Variants in DMD observed in about 807,000 individuals in gnomAD.
The protein encoded by DMD is dystrophin, also known as mutant dystrophin.
A neutral mutation model predicts 330.1 loss-of-function variants in DMD; 63 were observed. That is an observed-to-expected ratio of 0.19 (90% CI 0.16 to 0.24). DMD has a LOEUF of 0.24. Among genes scored for constraint, DMD ranks in the 10% least tolerant of loss-of-function variants. DMD has a pLI of 1.00. For synonymous variants in DMD, 1,223 were observed against 959.8 expected (o/e 1.27, Z -5.07); for missense variants, 3,344 against 2,684.1 (o/e 1.25, Z -5.43).
intron 67 of DMD, among the ~76,000 whole-genome samples, chrX:31,184,060 C>T (rs1015634075): frequency 2.7e-5 from 3 of 110,239 alleles, no homozygotes; most frequent in Non-Finnish European, 5.7e-5. Flanking sequence ...GGGCACACGC[C>T]ACCCCACCCG....
chrX:32,629,198 T>A (rs759744394), intron 11 of DMD, among the ~76,000 whole-genome samples: 3 of 111,913 alleles, frequency 2.7e-5, no homozygotes, highest in Non-Finnish European at 3.8e-5. Flanking sequence ...GGTGTTCCAA[T>A]GTTGGGTACA....
chrX:32,176,000 C>A (rs1042541608), intron 44 of DMD, among the ~76,000 whole-genome samples: 1 of 111,373 alleles, frequency 9.0e-6, no homozygotes, highest in African/African-American at 3.3e-5. Context: ...TCCTAATTAC[C>A]TTATAGATAC....
intron 8 of DMD, 27 bp from the exon 9 acceptor site, chrX:32,698,025 A>T: frequency 8.5e-7 from 1 of 1,174,321 alleles, no homozygotes; most frequent in Non-Finnish European, 1.1e-6. Flanking sequence ...GGGGGAGTGG[A>T]TAGAGAGGAG....
At chrX:32,577,265 A>G (rs1341459218) in intron 13 of DMD, among the ~76,000 whole-genome samples, 1 of 112,094 alleles carries the variant, frequency 8.9e-6, no homozygotes, top group Non-Finnish European at 1.9e-5. Flanking sequence ...AGGCCTCACA[A>G]GAGACCAATC....
chrX:33,160,501 G>A (rs933013803), intron 1 of DMD, among the ~76,000 whole-genome samples: 1 of 111,394 alleles, frequency 9.0e-6, no homozygotes, highest in African/African-American at 3.3e-5. Context: ...AGCATGCCTG[G>A]GCATGCAAAA....
rs115057114 is a variant in DMD at position 31,647,966 on chromosome X, A to G, written c.8027+10024T>C. Among the ~76,000 whole-genome samples, 675 of 112,431 alleles carry G rather than the reference A, an allele frequency of 6.0e-3. 3 individuals carry two copies. Among genetic ancestry groups the G allele is most frequent in the African/African-American group, 0.021 (648 of 31,010 alleles). On this transcript the variant is annotated intron_variant, in intron 54 of 78. Transcript: ENST00000357033. ...TACTGATGACAGACGGAATGACCAC[A>G]GCATAAAACATTGGCTGGAAGAATG...
chrX:32,115,542 C>A (rs1373106016), intron 44 of DMD, among the ~76,000 whole-genome samples: 1 of 111,324 alleles, frequency 9.0e-6, no homozygotes, highest in Non-Finnish European at 1.9e-5. Context: ...TGTGTCCGGC[C>A]AACTCTTACG....
At chrX:32,968,429 C>T (rs890786837) in intron 2 of DMD, among the ~76,000 whole-genome samples, 1 of 111,789 alleles carries the variant, frequency 8.9e-6, no homozygotes, top group African/African-American at 3.3e-5. Flanking sequence ...TCAATACTGA[C>T]AGGTCATCCC....
chrX:31,581,293 T>C (rs1486586393), intron 55 of DMD, among the ~76,000 whole-genome samples: 2 of 112,213 alleles, frequency 1.8e-5, no homozygotes, highest in African/African-American at 6.5e-5. Flanking sequence ...TGGATTTAAA[T>C]TAATCAATAA....
chrX:31,947,369 C>T (rs1411173814), intron 45 of DMD, among the ~76,000 whole-genome samples: 1 of 112,310 alleles, frequency 8.9e-6, no homozygotes, highest in Non-Finnish European at 1.9e-5. Flanking sequence ...AAGCAATCCT[C>T]TTGCCTTGGC....
intron 76 of DMD, among the ~76,000 whole-genome samples, chrX:31,138,622 CA>C (rs1467817272): frequency 2.4e-5 from 2 of 84,982 alleles, no homozygotes; most frequent in African/African-American, 4.9e-5. Flanking sequence ...TACATGGCAG[CA>C]GGAGAGAGAG....
chrX:31,732,934 T>C (rs1231490752), intron 51 of DMD, among the ~76,000 whole-genome samples: 1 of 111,740 alleles, frequency 8.9e-6, no homozygotes, highest in African/African-American at 3.2e-5. Context: ...AATCATTACA[T>C]GCTTACCAGT....
chrX:31,314,789 C>T (rs1376177254), intron 62 of DMD, among the ~76,000 whole-genome samples: 5 of 31,062 alleles, frequency 1.6e-4, no homozygotes, highest in African/African-American at 4.8e-4. Flanking sequence ...AGTGTTTTAC[C>T]GTGTTAACAT....
At chrX:33,075,112 C>A (rs2148191189) in intron 1 of DMD, among the ~76,000 whole-genome samples, 1 of 111,784 alleles carries the variant, frequency 8.9e-6, no homozygotes, top group Non-Finnish European at 1.9e-5. Context: ...CAGACAACAT[C>A]ACTATTGTAG....
At chrX:32,132,634 T>C (rs2096702041) in intron 44 of DMD, among the ~76,000 whole-genome samples, 1 of 111,536 alleles carries the variant, frequency 9.0e-6, no homozygotes, top group African/African-American at 3.3e-5. Context: ...TTCATCCTAC[T>C]AAGGAATCTT....
chrX:32,638,849 C>T (rs1452782291), intron 11 of DMD, among the ~76,000 whole-genome samples: 3 of 111,295 alleles, frequency 2.7e-5, no homozygotes, highest in Admixed American at 9.6e-5. Flanking sequence ...TCTCTATCCA[C>T]TCTCACATAT....
chrX:32,484,873 C>A, intron 21 of DMD, 46 bp downstream of exon 21: 1 of 1,167,410 alleles, frequency 8.6e-7, no homozygotes. Flanking sequence ...CCACAAATAA[C>A]CATTTTGGAA....
intron 53 of DMD, among the ~76,000 whole-genome samples, chrX:31,676,330 A>G (rs1262717325): frequency 8.9e-6 from 1 of 112,568 alleles, no homozygotes; most frequent in East Asian, 2.8e-4. Flanking sequence ...GACACATTCG[A>G]TGTAAAGACC....
At chrX:31,865,736 G>T (rs916044010) in intron 48 of DMD, among the ~76,000 whole-genome samples, 4 of 105,452 alleles carry the variant, frequency 3.8e-5, no homozygotes, top group African/African-American at 1.4e-4. Flanking sequence ...TAGAGTCCCA[G>T]GCTTCTTTGT....
Sources: allele counts gnomAD v4.1 joint callset (sites outside exome capture counted in the v4.1 genomes callset), GRCh38; gene constraint gnomAD v4.1.1; transcripts MANE v1.5; gene names NCBI Gene and HGNC (gene_info 2026-07-23, HGNC 2026-07-21).